The following MALT1 variants were observed in gnomAD, a reference collection of about 807,000 sequenced individuals.
The protein encoded by MALT1 is mucosa-associated lymphoid tissue lymphoma translocation protein 1.
In MALT1, 36 loss-of-function variants were observed where a neutral mutation model predicts 85.5. That is an observed-to-expected ratio of 0.42 (90% confidence interval 0.32 to 0.56). The LOEUF (loss-of-function observed/expected upper bound fraction) is 0.56. Ranked by LOEUF, MALT1 falls within the 20% of genes least tolerant of loss-of-function variation. The pLI is 0.10. For synonymous variants in MALT1, 359 were observed against 361.3 expected (o/e 0.99, Z 0.07); for missense variants, 716 against 981.6 (o/e 0.73, Z 3.62).
chr18:58,726,148 G>A (rs1367344157), intron 10 of MALT1, among the ~76,000 whole-genome samples: 1 of 152,178 alleles, frequency 6.6e-6, no homozygotes, highest in East Asian at 1.9e-4. Flanking sequence ...AGTTTAGGCT[G>A]AAGCTTTGCC....
chr18:58,692,405 T>G (rs2054519166), intron 2 of MALT1, among the ~76,000 whole-genome samples: 8 of 137,264 alleles, frequency 5.8e-5, no homozygotes, highest in South Asian at 4.8e-4. Flanking sequence ...CGACTGGCCA[T>G]TCCTCTCTCT....
intron 10 of MALT1, 86 bp downstream of exon 10, chr18:58,723,337 A>T (rs1317598249): frequency 1.0e-6 from 1 of 952,486 alleles, no homozygotes; most frequent in Admixed American, 2.5e-5. Flanking sequence ...AATCAGATAA[A>T]GATAAGGTAA....
intron 6 of MALT1, 123 bp downstream of exon 6, chr18:58,710,195 C>T (rs1328098192): frequency 2.1e-6 from 1 of 481,110 alleles, no homozygotes; most frequent in Non-Finnish European, 3.7e-6. Flanking sequence ...ATGTGTTAAG[C>T]ATTAGAAGTT....
intron 2 of MALT1, among the ~76,000 whole-genome samples, chr18:58,681,852 C>T (rs1335543200): frequency 6.6e-6 from 1 of 152,020 alleles, no homozygotes. Context: ...CCTGAATTAC[C>T]GATATTGGAT....
chr18:58,685,905 C>G (rs1281748635), intron 2 of MALT1, among the ~76,000 whole-genome samples: 1 of 151,830 alleles, frequency 6.6e-6, no homozygotes, highest in African/African-American at 2.4e-5. Flanking sequence ...AACCAAAGGT[C>G]TGTAATGATT....
rs1314517796 is a variant in MALT1 at position 58,710,970 on chromosome 18, G to A, written c.958+17G>A. On this transcript the variant is annotated intron_variant, in intron 7 of 16. Transcript: ENST00000649217. ...GCACTGAAGGTAGTGTAAGTCTTTG[G>A]TTTGAAACCAAATCTCCTGCATGCT... 6.4e-7 allele frequency: 1 copy of A among 1,559,698 alleles called. No homozygotes were observed. The highest frequency in any genetic ancestry group is 8.7e-7 in the Non-Finnish European group (1 of 1,155,538).
In MALT1 at chr18:58,733,380, A is replaced by G. The variant is rs757180755; in HGVS notation, c.1223-17A>G. 10 of 1,530,126 alleles carry G rather than the reference A, an allele frequency of 6.5e-6. No individual in the cohort carries two copies. Among genetic ancestry groups the G allele is most frequent in the African/African-American group, 1.4e-5 (1 of 72,198 alleles). The allele number at this position is 1,530,126 out of a possible 1,614,324, so 94.8% of individuals were successfully genotyped here. On this transcript the variant is annotated splice_polypyrimidine_tract_variant and intron_variant, in intron 10 of 16. Transcript: ENST00000649217. ...TAGAATTGACATCTATCTCTCTCTT[A>G]TTTTTCCTCTTTTCAGGGTTATTAT...
intron 1 of MALT1, 61 bp from the exon 2 acceptor site, chr18:58,681,109 A>ATATAGCAGG: frequency 1.3e-6 from 2 of 1,503,574 alleles, no homozygotes; most frequent in Non-Finnish European, 1.8e-6. Flanking sequence ...TGGTCCAGAT[A>ATATAGCAGG]TATAGCAGGT....
In MALT1 at chr18:58,750,002, A is replaced by C. The variant is rs768002178; in HGVS notation, c.*2160A>C. The C allele has an allele frequency of 1.5e-5, 3 of 201,940 alleles. No homozygotes were observed. The highest frequency in any genetic ancestry group is 3.1e-5 in the Non-Finnish European group (3 of 98,148). 12.5% of individuals were successfully genotyped at this position (201,940 alleles called of 1,614,324 possible). A position where few individuals can be genotyped will look rare whatever the true frequency, so the allele number is the denominator to read the frequency against. ...GGAATTCAAGGTTTGTTCAACATCT[A>C]AAAATCAAATAAGCTAATAAAGAAA... On this transcript the variant is annotated 3_prime_UTR_variant, in exon 17 of 17. Transcript: ENST00000649217.
At position 58,723,089 on chromosome 18, in the gene MALT1, C is replaced by T. The variant is rs376937708; in HGVS notation, c.1060C>T (p.Arg354Trp). The stretch of plus-strand genomic sequence containing the variant: ...CCTTTTGATAGGAAATATGAATTAC[C>T]GGGAGCACCCCAAGCTCAAAGCTCC... The part of the protein sequence containing the change: ...VALLIGNMNY[R>W]EHPKLKAPLV... The change falls in exon 10 of 17, where the codon CGG becomes TGG. Residue 354 changes from arginine (R) to tryptophan (W), a missense_variant. Transcript: ENST00000649217. 2.0e-5 allele frequency: 32 copies of T among 1,613,496 alleles called. 1 individual carries two copies. The highest frequency in any genetic ancestry group is 1.5e-4 in the Admixed American group (9 of 59,966).
intron 16 of MALT1, 23 bp from the exon 17 acceptor site, chr18:58,747,382 A>C (rs2055383253): frequency 8.5e-6 from 13 of 1,522,206 alleles, no homozygotes; most frequent in Non-Finnish European, 8.1e-6. Context: ...GCCAATAATA[A>C]ACCAGATTTT....
At chr18:58,698,539 G>A (rs1328781875) in intron 3 of MALT1, among the ~76,000 whole-genome samples, 2 of 152,218 alleles carry the variant, frequency 1.3e-5, no homozygotes, top group African/African-American at 4.8e-5. Context: ...TAAGCTGACA[G>A]ATTAGATGTA....
intron 4 of MALT1, among the ~76,000 whole-genome samples, chr18:58,700,925 TGG>T (rs1267947406): frequency 6.6e-6 from 1 of 152,090 alleles, no homozygotes; most frequent in African/African-American, 2.4e-5. Context: ...CCTGAGTAGC[TGG>T]GATTACAGGC....
intron 1 of MALT1, among the ~76,000 whole-genome samples, chr18:58,678,125 A>AT (rs1014422981): frequency 1.3e-5 from 2 of 152,212 alleles, no homozygotes; most frequent in African/African-American, 2.4e-5. Context: ...GGTAGATAAT[A>AT]TTACTAATGA....
chr18:58,742,392 A>G (rs1169138014), intron 14 of MALT1, among the ~76,000 whole-genome samples: 1 of 152,120 alleles, frequency 6.6e-6, no homozygotes, highest in Non-Finnish European at 1.5e-5. Flanking sequence ...CATGTTATCT[A>G]TAACATGTAA....
At chr18:58,679,657 G>T (rs565041044) in intron 1 of MALT1, among the ~76,000 whole-genome samples, 1 of 152,108 alleles carries the variant, frequency 6.6e-6, no homozygotes, top group Admixed American at 6.6e-5. Flanking sequence ...GGGTTCAAGC[G>T]ATTCTTGTGC....
chr18:58,720,388 T>C (rs1421310858), intron 9 of MALT1, among the ~76,000 whole-genome samples: 1 of 152,204 alleles, frequency 6.6e-6, no homozygotes, highest in Non-Finnish European at 1.5e-5. Context: ...AGTTCACCTG[T>C]CACCCAGGAA....
chr18:58,731,852 TTTTG>T (rs922443219), intron 10 of MALT1, among the ~76,000 whole-genome samples: 4 of 152,190 alleles, frequency 2.6e-5, no homozygotes, highest in African/African-American at 9.6e-5. Context: ...TGTCCTTCTT[TTTTG>T]TTTCTCTCAG....
At chr18:58,694,645 A>G (rs2054561648) in intron 2 of MALT1, among the ~76,000 whole-genome samples, 1 of 152,214 alleles carries the variant, frequency 6.6e-6, no homozygotes, top group Non-Finnish European at 1.5e-5. Context: ...CTATTGCTGC[A>G]TTAATAAATT....
Sources: gnomAD v4.1 joint callset for allele counts (sites outside exome capture counted in the v4.1 genomes callset) on GRCh38, gnomAD v4.1.1 for gene constraint, MANE v1.5 for transcripts, NCBI Gene and HGNC (gene_info 2026-07-23, HGNC 2026-07-21) for gene names.